The following CELF4 variants were observed in gnomAD, a reference collection of about 807,000 sequenced individuals.
The protein encoded by CELF4 is CUGBP Elav-like family member 4, also known as CUG-BP- and ETR-3-like factor 4.
CELF4 carries 18 observed loss-of-function variants against 59.9 expected under a neutral mutation model. The observed-to-expected ratio is 0.30, with a 90% CI of 0.21 to 0.45. The LOEUF (loss-of-function observed/expected upper bound fraction) is 0.45. CELF4 is among the 20% of genes least tolerant of loss of function. CELF4 has a pLI of 1.00. For synonymous variants in CELF4, 261 were observed against 267.1 expected (o/e 0.98, Z 0.22); for missense variants, 456 against 689.0 (o/e 0.66, Z 3.79).
At chr18:37,405,888 C>T (rs1360828820) in intron 2 of CELF4, among the ~76,000 whole-genome samples, 2 of 152,126 alleles carry the variant, frequency 1.3e-5, no homozygotes, top group Non-Finnish European at 2.9e-5. Context: ...TGGGCTGGCC[C>T]CCCTCCAGCC....
chr18:37,548,555 G>A (rs543518476), intron 1 of CELF4, among the ~76,000 whole-genome samples: 18 of 152,306 alleles, frequency 1.2e-4, no homozygotes, highest in Non-Finnish European at 2.5e-4. Context: ...CCCCTTATGT[G>A]CTGTTTCCGA....
chr18:37,264,592 C>G, intron 10 of CELF4, 82 bp downstream of exon 10: 3 of 1,234,656 alleles, frequency 2.4e-6, no homozygotes, highest in South Asian at 1.3e-5. Flanking sequence ...CCAACGCACA[C>G]CCCAGCCCAA....
intron 2 of CELF4, among the ~76,000 whole-genome samples, chr18:37,409,632 G>C (rs1306831990): frequency 6.6e-6 from 1 of 152,152 alleles, no homozygotes; most frequent in Non-Finnish European, 1.5e-5. Context: ...GGAGTGTCCA[G>C]AGTGAGGGAG....
At chr18:37,564,158 A>G (rs2099987410) in intron 1 of CELF4, among the ~76,000 whole-genome samples, 1 of 152,122 alleles carries the variant, frequency 6.6e-6, no homozygotes, top group South Asian at 2.1e-4. Flanking sequence ...ACATCCATAC[A>G]CATCCCCTAC....
intron 1 of CELF4, among the ~76,000 whole-genome samples, chr18:37,495,663 G>GA (rs1209404908): frequency 3.3e-5 from 5 of 152,070 alleles, no homozygotes; most frequent in Admixed American, 6.6e-5. Context: ...ATGGCCATGG[G>GA]ACTGGTGAAG....
chr18:37,493,666 T>A (rs1173472298), intron 1 of CELF4, among the ~76,000 whole-genome samples: 1 of 128,072 alleles, frequency 7.8e-6, no homozygotes, highest in African/African-American at 3.1e-5. Context: ...GTGGGGGTGA[T>A]GGGGACTGCA....
chr18:37,416,871 C>T (rs2099533315), intron 2 of CELF4, among the ~76,000 whole-genome samples: 1 of 151,866 alleles, frequency 6.6e-6, no homozygotes, highest in African/African-American at 2.4e-5. Flanking sequence ...GGTGGAAATG[C>T]TAGAGGTGGT....
At chr18:37,248,621 C>T (rs758857279) in intron 12 of CELF4, among the ~76,000 whole-genome samples, 1 of 152,196 alleles carries the variant, frequency 6.6e-6, no homozygotes, top group Non-Finnish European at 1.5e-5. Flanking sequence ...CCTGGCCCAC[C>T]GCAAGGCCCC....
intron 2 of CELF4, among the ~76,000 whole-genome samples, chr18:37,470,148 T>G (rs1158349599): frequency 6.6e-6 from 1 of 152,208 alleles, no homozygotes; most frequent in African/African-American, 2.4e-5. Context: ...AGAGGGTAAT[T>G]TGGACTTTAG....
intron 1 of CELF4, among the ~76,000 whole-genome samples, chr18:37,503,377 G>T (rs747448983): frequency 1.3e-5 from 2 of 152,214 alleles, no homozygotes; most frequent in Non-Finnish European, 2.9e-5. Flanking sequence ...CTCCTGGCCC[G>T]TGGCTGGCAC....
At chr18:37,441,426 C>T (rs899231565) in intron 2 of CELF4, among the ~76,000 whole-genome samples, 5 of 152,034 alleles carry the variant, frequency 3.3e-5, no homozygotes, top group African/African-American at 1.2e-4. Flanking sequence ...TTGTATTTTC[C>T]AATGTTAAGG....
chr18:37,513,906 C>G (rs1241560179), intron 1 of CELF4, among the ~76,000 whole-genome samples: 1 of 151,724 alleles, frequency 6.6e-6, no homozygotes, highest in Non-Finnish European at 1.5e-5. Context: ...GTCCATGAGG[C>G]CCTAATTTTG....
rs1216188035 is a variant in CELF4, at chr18:37,284,227, GCACATA to G, written c.449-8990_449-8985del. ...TACACACCAACATACACACACAGATGCACATACACATACACACAGATACACCAACAC... is the reference window on the plus strand; with the variant it reads ...TACACACCAACATACACACACAGATGCACATACACACAGATACACCAACAC... On this transcript the variant is annotated intron_variant, in intron 3 of 12. Coordinates refer to ENST00000420428, the MANE Select transcript of CELF4 (RefSeq NM_020180.4). 6.7e-5 allele frequency among the ~76,000 whole-genome samples: 10 copies of G among 149,196 alleles called. 1 individual carries two copies. The highest frequency in any genetic ancestry group is 2.5e-4 in the African/African-American group (10 of 40,482).
intron 2 of CELF4, among the ~76,000 whole-genome samples, chr18:37,362,144 A>C (rs2098713469): frequency 6.6e-6 from 1 of 151,982 alleles, no homozygotes; most frequent in Non-Finnish European, 1.5e-5. Flanking sequence ...CCCTGCAGTC[A>C]CCCTGACCCC....
chr18:37,476,389 CT>C (rs1221249229), intron 2 of CELF4, among the ~76,000 whole-genome samples: 3 of 152,218 alleles, frequency 2.0e-5, no homozygotes, highest in Admixed American at 2.0e-4. Context: ...ATGGCGCCCC[CT>C]GGTGGGCTCA....
At chr18:37,513,803 G>A (rs1343452826) in intron 1 of CELF4, among the ~76,000 whole-genome samples, 1 of 152,162 alleles carries the variant, frequency 6.6e-6, no homozygotes, top group East Asian at 1.9e-4. Flanking sequence ...CTCCTCTATG[G>A]AGCCTCCCTG....
At chr18:37,520,077 G>A (rs959518486) in intron 1 of CELF4, among the ~76,000 whole-genome samples, 11 of 152,170 alleles carry the variant, frequency 7.2e-5, no homozygotes, top group Non-Finnish European at 8.8e-5. Flanking sequence ...CAAGCAAGGC[G>A]GGGAGGCCTA....
At chr18:37,505,526 G>A (rs58808854) in intron 1 of CELF4, among the ~76,000 whole-genome samples, 4,617 of 152,234 alleles carry the variant, frequency 0.03, 217 homozygotes, top group African/African-American at 0.1. Flanking sequence ...TCAGGGCCAG[G>A]TGGGGTGATT....
chr18:37,494,757 C>A (rs540628561), intron 1 of CELF4, among the ~76,000 whole-genome samples: 3 of 152,174 alleles, frequency 2.0e-5, no homozygotes, highest in African/African-American at 7.2e-5. Flanking sequence ...CCTGCTTTCC[C>A]CTCCAGGAGC....
Sources: allele counts gnomAD v4.1 joint callset (sites outside exome capture counted in the v4.1 genomes callset), GRCh38; gene constraint gnomAD v4.1.1; transcripts MANE v1.5; gene names NCBI Gene and HGNC (gene_info 2026-07-23, HGNC 2026-07-21).